Variants in LRRC7 observed in about 807,000 individuals in gnomAD.
LRRC7 encodes the protein leucine-rich repeat-containing protein 7.
LRRC7 carries 23 observed loss-of-function variants against 175.7 expected under a neutral mutation model. That is an observed-to-expected ratio of 0.13 (90% CI 0.09 to 0.19). The LOEUF is 0.19. LRRC7 is among the 10% of genes least tolerant of loss of function. The probability of loss-of-function intolerance (pLI) is 1.00; values close to 1 mark genes in which losing one functional copy is unlikely to be tolerated. For missense variants in LRRC7, 1,354 were observed against 1,904.7 expected (o/e 0.71, Z 5.38); for synonymous variants, 685 against 680.9 (o/e 1.01, Z -0.09).
chr1:69,677,480 G>A (rs953185227), intron 1 of LRRC7, among the ~76,000 whole-genome samples: 2 of 151,604 alleles, frequency 1.3e-5, no homozygotes, highest in Non-Finnish European at 2.9e-5. Context: ...TTAGTTCTTT[G>A]AGAAATCTCC....
chr1:69,927,912 C>T (rs922398056), intron 7 of LRRC7, among the ~76,000 whole-genome samples: 8 of 152,224 alleles, frequency 5.3e-5, no homozygotes, highest in Middle Eastern at 3.4e-3. Flanking sequence ...AGTTTTTCTG[C>T]TCTGTTTTTT....
At chr1:70,107,387 AAT>A (rs1665216504) in intron 25 of LRRC7, among the ~76,000 whole-genome samples, 1 of 152,216 alleles carries the variant, frequency 6.6e-6, no homozygotes, top group African/African-American at 2.4e-5. Context: ...AACTGCCTTT[AAT>A]GGAGACATAG....
At chr1:70,021,633 C>T (rs1256232425) in intron 16 of LRRC7, among the ~76,000 whole-genome samples, 1 of 152,092 alleles carries the variant, frequency 6.6e-6, no homozygotes, top group Non-Finnish European at 1.5e-5. Flanking sequence ...AATATGAGAA[C>T]AAATTTTAAG....
chr1:69,582,360 C>T (rs1236107921), intron 1 of LRRC7, among the ~76,000 whole-genome samples: 19 of 152,166 alleles, frequency 1.2e-4, no homozygotes, highest in Non-Finnish European at 1.5e-5. Flanking sequence ...ACAGCAGCAG[C>T]TCCACTCAGC....
At chr1:69,927,248 C>T (rs1647108873) in intron 7 of LRRC7, among the ~76,000 whole-genome samples, 5 of 152,108 alleles carry the variant, frequency 3.3e-5, no homozygotes, top group Admixed American at 3.3e-4. Context: ...ACATTTTTTC[C>T]TTCATTTCAA....
chr1:69,715,453 A>G (rs553436277), intron 2 of LRRC7, among the ~76,000 whole-genome samples: 3 of 152,202 alleles, frequency 2.0e-5, no homozygotes, highest in Middle Eastern at 6.8e-3. Context: ...ACAAATTGCA[A>G]CACCAAGTTA....
In LRRC7 at chr1:69,908,209, C is replaced by A. The variant is rs566285717; in HGVS notation, c.648-23298C>A. 2.6e-5 allele frequency among the ~76,000 whole-genome samples: 4 copies of A among 152,236 alleles called. No homozygotes were observed. The South Asian group carries it at 8.3e-4, about 32-fold the overall frequency. On this transcript the variant is annotated intron_variant, in intron 7 of 26. Transcript: ENST00000651989. ...CAATTTTGTTGATCTTTTCAAAAAA[C>A]CAGCTCCTGGATTCATTAATTTTTT...
At chr1:70,108,325 TG>T (rs1665284215) in intron 26 of LRRC7, among the ~76,000 whole-genome samples, 1 of 152,112 alleles carries the variant, frequency 6.6e-6, no homozygotes, top group Non-Finnish European at 1.5e-5. Flanking sequence ...CTTTTAAAAA[TG>T]CATTGTGTGA....
At chr1:70,073,659 A>G (rs1662556259) in intron 23 of LRRC7, among the ~76,000 whole-genome samples, 1 of 152,196 alleles carries the variant, frequency 6.6e-6, no homozygotes. Flanking sequence ...CTGGGTGGAA[A>G]AATGCTTTGC....
chr1:69,598,675 C>A (rs1399149014), intron 1 of LRRC7, among the ~76,000 whole-genome samples: 1 of 152,120 alleles, frequency 6.6e-6, no homozygotes, highest in Non-Finnish European at 1.5e-5. Flanking sequence ...TAATGTTTGA[C>A]CAAATATATA....
At chr1:69,828,587 A>G (rs1043749767) in intron 5 of LRRC7, among the ~76,000 whole-genome samples, 1 of 152,132 alleles carries the variant, frequency 6.6e-6, no homozygotes, top group Non-Finnish European at 1.5e-5. Flanking sequence ...AGGGAGAAAT[A>G]ATGATATAAG....
At chr1:69,910,376 T>C (rs1405031074) in intron 7 of LRRC7, among the ~76,000 whole-genome samples, 1 of 152,206 alleles carries the variant, frequency 6.6e-6, no homozygotes, top group Non-Finnish European at 1.5e-5. Context: ...TGGATGTCCT[T>C]TCTGTTTGTT....
rs1672630585 is a variant in LRRC7, at chr1:69,774,752, T to C, written c.303+14359T>C. 2.0e-5 allele frequency among the ~76,000 whole-genome samples: 3 copies of C among 152,114 alleles called. No individual in the cohort carries two copies. In the South Asian group the frequency reaches 6.2e-4, roughly 32 times the overall value. On this transcript the variant is annotated intron_variant, in intron 3 of 26. Transcript: ENST00000651989. ...CATTTACTACTGATTTAACCGAAGA[T>C]TTGGATGTAAGTATGCTGGGAAGAT...
At position 70,032,157 on chromosome 1, in the gene LRRC7, A is replaced by G. The variant is rs187500547; in HGVS notation, c.1995+3786A>G. ...TTGTAACTGAGAGCTACCTCAAGCT[A>G]GCCATTTGCACAGTGTCTGTCTAAT... On this transcript the variant is annotated intron_variant, in intron 18 of 26. Transcript: ENST00000651989. Among the ~76,000 whole-genome samples the G allele has an allele frequency of 2.3e-3, 357 of 152,300 alleles. 2 individuals carry two copies. The highest frequency in any genetic ancestry group is 0.012 in the Admixed American group (185 of 15,300).
intron 1 of LRRC7, among the ~76,000 whole-genome samples, chr1:69,611,504 C>G: frequency 6.6e-6 from 1 of 152,140 alleles, no homozygotes; most frequent in South Asian, 2.1e-4. Context: ...TCCTGCAAGC[C>G]TTTAGCCACA....
chr1:69,596,179 C>A (rs546965913), intron 1 of LRRC7, among the ~76,000 whole-genome samples: 9 of 152,174 alleles, frequency 5.9e-5, no homozygotes, highest in African/African-American at 2.2e-4. Flanking sequence ...TTATTCTAAC[C>A]AGTTTAAGAA....
chr1:69,608,712 G>T (rs1046664556), intron 1 of LRRC7, among the ~76,000 whole-genome samples: 1 of 151,474 alleles, frequency 6.6e-6, no homozygotes, highest in Admixed American at 6.6e-5. Flanking sequence ...GTGGACAAGA[G>T]ATGTAAGAAC....
intron 2 of LRRC7, among the ~76,000 whole-genome samples, chr1:69,739,298 G>A (rs1024279280): frequency 4.6e-5 from 7 of 152,024 alleles, no homozygotes; most frequent in African/African-American, 9.7e-5. Flanking sequence ...CTGGGGGCTC[G>A]CAGAAGGCAT....
chr1:70,069,424 G>A (rs1349677622), intron 23 of LRRC7, among the ~76,000 whole-genome samples: 5 of 152,070 alleles, frequency 3.3e-5, no homozygotes, highest in Admixed American at 1.3e-4. Context: ...ACCTGGTCCC[G>A]CCCTTGACAT....
Sources: gnomAD v4.1 joint callset for allele counts (sites outside exome capture counted in the v4.1 genomes callset) on GRCh38, gnomAD v4.1.1 for gene constraint, MANE v1.5 for transcripts, NCBI Gene and HGNC (gene_info 2026-07-23, HGNC 2026-07-21) for gene names.